The following CCSER1 variants were observed in gnomAD, a reference collection of about 807,000 sequenced individuals.
CCSER1 encodes the protein coiled-coil serine rich protein 1.
Under a neutral mutation model 82.0 loss-of-function variants are expected in CCSER1, and 41 were observed. That is an observed-to-expected ratio of 0.50 (90% CI 0.39 to 0.65). CCSER1 has a LOEUF of 0.65. CCSER1 is among the 30% of genes least tolerant of loss of function. The probability of loss-of-function intolerance (pLI) is 0.00; values close to 1 mark genes in which losing one functional copy is unlikely to be tolerated. For synonymous variants in CCSER1, 414 were observed against 383.9 expected, an observed-to-expected ratio of 1.08 and a Z score of -0.92; for missense variants, 1,119 against 1,064.2, an observed-to-expected ratio of 1.05 and a Z score of -0.72.
chr4:91,313,184 C>T (rs573844839), intron 10 of CCSER1, among the ~76,000 whole-genome samples: 16 of 151,940 alleles, frequency 1.1e-4, no homozygotes, highest in African/African-American at 3.9e-4. Flanking sequence ...AGTACTTAAA[C>T]ATATTTTCTA....
At chr4:90,154,307 T>C (rs1218935586) in intron 1 of CCSER1, among the ~76,000 whole-genome samples, 4 of 152,238 alleles carry the variant, frequency 2.6e-5, no homozygotes, top group Non-Finnish European at 5.9e-5. Context: ...TGAAGTCAGG[T>C]AGCGTGACGC....
rs141736781 is a variant in CCSER1, at chr4:90,319,330, G to A, written c.1509+6283G>A. Among the ~76,000 whole-genome samples, 12 of 152,172 alleles carry A rather than the reference G, an allele frequency of 7.9e-5. No individual in the cohort carries two copies. The East Asian group carries it at 2.3e-3, about 29-fold the overall frequency. ...ATACACCTTCACACTTCTGTTTCAC[G>A]GCATGAAAGTTGCTCAAGCTTGAAA... On this transcript the variant is annotated intron_variant, in intron 3 of 10. Transcript: ENST00000509176.
chr4:90,790,482 C>T (rs1755085650), intron 7 of CCSER1, among the ~76,000 whole-genome samples: 1 of 152,166 alleles, frequency 6.6e-6, no homozygotes, highest in Admixed American at 6.6e-5. Context: ...CCTACCTTTG[C>T]TTAGAAAATA....
At chr4:91,302,260 T>C (rs1395682069) in intron 10 of CCSER1, among the ~76,000 whole-genome samples, 1 of 152,018 alleles carries the variant, frequency 6.6e-6, no homozygotes, top group Non-Finnish European at 1.5e-5. Context: ...ATGGTTTGCC[T>C]TGGTAAATAG....
At chr4:91,334,365 C>T (rs1309096270) in intron 10 of CCSER1, among the ~76,000 whole-genome samples, 1 of 152,058 alleles carries the variant, frequency 6.6e-6, no homozygotes, top group Non-Finnish European at 1.5e-5. Flanking sequence ...ATATCCCTAA[C>T]ATTTTACCTA....
chr4:90,741,362 G>A (rs1330793684), intron 7 of CCSER1, among the ~76,000 whole-genome samples: 4 of 152,308 alleles, frequency 2.6e-5, no homozygotes, highest in South Asian at 2.1e-4. Flanking sequence ...AAACCAACAT[G>A]TATTCAGTTG....
At chr4:91,583,942 T>A (rs945049311) in intron 10 of CCSER1, among the ~76,000 whole-genome samples, 1 of 151,446 alleles carries the variant, frequency 6.6e-6, no homozygotes, top group African/African-American at 2.4e-5. Context: ...TTTGAAACAT[T>A]CTGGATACTA....
intron 7 of CCSER1, among the ~76,000 whole-genome samples, chr4:90,815,315 A>G (rs930988156): frequency 1.9e-4 from 29 of 152,042 alleles, no homozygotes; most frequent in Admixed American, 2.6e-4. Flanking sequence ...GGGGATTACA[A>G]TTCGTGATGA....
chr4:90,909,775 G>T (rs1446848543), intron 8 of CCSER1, among the ~76,000 whole-genome samples: 1 of 152,060 alleles, frequency 6.6e-6, no homozygotes, highest in Non-Finnish European at 1.5e-5. Flanking sequence ...AAGTACTAAA[G>T]AAATCAAATA....
At chr4:90,242,473 A>G (rs1215672140) in intron 1 of CCSER1, among the ~76,000 whole-genome samples, 2 of 152,244 alleles carry the variant, frequency 1.3e-5, no homozygotes, top group Non-Finnish European at 2.9e-5. Context: ...TCAAAAGTAT[A>G]CAATTTATTT....
Position 90,671,370 on chromosome 4 carries a change from T to C in CCSER1, c.1932+43138T>C, listed in dbSNP as rs558894315. 3.3e-5 allele frequency among the ~76,000 whole-genome samples: 5 copies of C among 152,188 alleles called. No homozygotes were observed. In the East Asian group the frequency reaches 7.7e-4, roughly 24 times the overall value. On this transcript the variant is annotated intron_variant, in intron 6 of 10. Transcript: ENST00000509176. ...TCTGCTGCTGCTTTATCAACTAAGTTTATGTCATATTCCAAAACTTTTCTT... is the reference window on the plus strand; with the variant it reads ...TCTGCTGCTGCTTTATCAACTAAGTCTATGTCATATTCCAAAACTTTTCTT...
At chr4:90,528,673 G>A (rs188320746) in intron 5 of CCSER1, among the ~76,000 whole-genome samples, 27 of 152,188 alleles carry the variant, frequency 1.8e-4, no homozygotes, top group East Asian at 1.3e-3. Context: ...TAAAACACAC[G>A]TTCCATTAAC....
chr4:90,153,303 G>T (rs1306088077), intron 1 of CCSER1, among the ~76,000 whole-genome samples: 1 of 151,522 alleles, frequency 6.6e-6, no homozygotes, highest in Admixed American at 6.6e-5. Context: ...CATTTGGGTT[G>T]GTTCCAAGTC....
intron 5 of CCSER1, among the ~76,000 whole-genome samples, chr4:90,521,854 A>G (rs776846989): frequency 6.6e-6 from 1 of 152,184 alleles, no homozygotes; most frequent in Non-Finnish European, 1.5e-5. Flanking sequence ...ACTGGTCAAG[A>G]TAGCCATTTG....
chr4:91,047,253 C>T (rs1410369848), intron 9 of CCSER1, among the ~76,000 whole-genome samples: 4 of 151,858 alleles, frequency 2.6e-5, no homozygotes, highest in Non-Finnish European at 2.9e-5. Flanking sequence ...CACACACACA[C>T]ATATATATAT....
intron 10 of CCSER1, among the ~76,000 whole-genome samples, chr4:91,332,353 C>T (rs933635134): frequency 3.3e-5 from 5 of 151,246 alleles, no homozygotes; most frequent in African/African-American, 9.7e-5. Context: ...GCTTACAAAC[C>T]CTGTGGGAAA....
intron 9 of CCSER1, among the ~76,000 whole-genome samples, chr4:90,980,604 G>A (rs991925773): frequency 1.3e-5 from 2 of 151,774 alleles, no homozygotes; most frequent in African/African-American, 2.4e-5. Flanking sequence ...TTGTAATAGC[G>A]ATGATACTAA....
At chr4:90,237,732 G>A (rs951181749) in intron 1 of CCSER1, among the ~76,000 whole-genome samples, 7 of 152,160 alleles carry the variant, frequency 4.6e-5, no homozygotes, top group African/African-American at 9.6e-5. Context: ...TTTTCTTAAC[G>A]TCTGAATTTA....
chr4:90,911,395 C>T (rs1037110312), intron 8 of CCSER1: 6 of 439,558 alleles, frequency 1.4e-5, no homozygotes, highest in African/African-American at 1.2e-4. Context: ...TATAATGTTG[C>T]ATTTTCATTC....
Sources: gnomAD v4.1 joint callset for allele counts (sites outside exome capture counted in the v4.1 genomes callset) on GRCh38, gnomAD v4.1.1 for gene constraint, MANE v1.5 for transcripts, NCBI Gene and HGNC (gene_info 2026-07-23, HGNC 2026-07-21) for gene names.